MICU2: variants seen among roughly 807,000 people sequenced by gnomAD.
MICU2 encodes the protein mitochondrial calcium uptake 2.
Under a neutral mutation model 60.4 loss-of-function variants are expected in MICU2, and 64 were observed. The observed-to-expected ratio is 1.06, with a 90% CI of 0.87 to 1.31. MICU2 has a LOEUF of 1.31. Among genes scored for constraint, MICU2 ranks in the 50% most tolerant of loss-of-function variants. The pLI, the probability that MICU2 is intolerant of heterozygous loss-of-function variation, is 0.00. For missense variants in MICU2, 569 were observed against 531.0 expected, an observed-to-expected ratio of 1.07 and a Z score of -0.70; for synonymous variants, 201 against 175.0, an observed-to-expected ratio of 1.15 and a Z score of -1.17.
chr13:21,577,736 CAG>C (rs1192870410), intron 1 of MICU2, among the ~76,000 whole-genome samples: 1 of 142,306 alleles, frequency 7.0e-6, no homozygotes, highest in African/African-American at 2.7e-5. Flanking sequence ...ACCCGGGAGA[CAG>C]AGGTTGCAGT....
At chr13:21,539,726 C>A (rs373449163) in intron 2 of MICU2, 38 bp from the exon 3 acceptor site, 1 of 1,592,022 alleles carries the variant, frequency 6.3e-7, no homozygotes, top group African/African-American at 1.3e-5. Context: ...TATCCATATT[C>A]TTTGGTAAAA....
intron 8 of MICU2, among the ~76,000 whole-genome samples, chr13:21,508,427 G>A (rs977695770): frequency 2.0e-5 from 3 of 152,126 alleles, no homozygotes; most frequent in African/African-American, 7.2e-5. Flanking sequence ...CCCGGCCCAA[G>A]GCTCTTATTT....
intron 2 of MICU2, among the ~76,000 whole-genome samples, chr13:21,545,497 G>A (rs1307740223): frequency 6.6e-6 from 1 of 152,046 alleles, no homozygotes; most frequent in South Asian, 2.1e-4. Flanking sequence ...CCTGACCAGC[G>A]TGGTGAAACT....
At chr13:21,572,842 T>C (rs543941248) in intron 1 of MICU2, among the ~76,000 whole-genome samples, 23 of 152,182 alleles carry the variant, frequency 1.5e-4, no homozygotes, top group Admixed American at 5.2e-4. Flanking sequence ...CCCAGGTCTA[T>C]ACATGGTGAT....
intron 7 of MICU2, among the ~76,000 whole-genome samples, chr13:21,513,312 C>T (rs1886478969): frequency 6.6e-6 from 1 of 152,154 alleles, no homozygotes; most frequent in South Asian, 2.1e-4. Context: ...ACATCCTTGC[C>T]TTACTCCTGA....
chr13:21,550,200 A>G (rs1887520739), intron 2 of MICU2, among the ~76,000 whole-genome samples: 1 of 152,158 alleles, frequency 6.6e-6, no homozygotes, highest in African/African-American at 2.4e-5. Flanking sequence ...ACACAAATTT[A>G]TTAACTTTTG....
Position 21,568,116 on chromosome 13 carries a change from C to A in MICU2, c.211-1172G>T, listed in dbSNP as rs562820279. ...TATCACCTTCTTTTCACACTGAATA[C>A]TGATTCTATAATACTCTCTGACACA... is the stretch of plus-strand genomic sequence containing the variant. On this transcript the variant is annotated intron_variant, in intron 1 of 11. Transcript: ENST00000382374. Among the ~76,000 whole-genome samples the A allele has an allele frequency of 1.1e-4, 16 of 152,292 alleles. No homozygotes were observed. The South Asian group carries it at 3.3e-3, about 32-fold the overall frequency.
At chr13:21,501,411 T>A (rs140696322) in intron 9 of MICU2, among the ~76,000 whole-genome samples, 3 of 152,046 alleles carry the variant, frequency 2.0e-5, no homozygotes, top group African/African-American at 4.8e-5. Flanking sequence ...TACAGGCACC[T>A]GCCACCATGC....
intron 2 of MICU2, 86 bp downstream of exon 2, chr13:21,566,711 G>A: frequency 1.8e-6 from 2 of 1,133,078 alleles, no homozygotes; most frequent in African/African-American, 3.2e-5. Context: ...TTAAAATGAA[G>A]AAAAGCTGTT....
rs184831064 is a variant in MICU2 at position 21,493,145 on chromosome 13, C to T, written c.*104G>A. 2 of 606,774 alleles carry T rather than the reference C, an allele frequency of 3.3e-6. No homozygotes were observed. The highest frequency in any genetic ancestry group is 3.8e-5 in the African/African-American group (2 of 52,194). 37.6% of individuals were successfully genotyped at this position (606,774 alleles called of 1,614,324 possible). On this transcript the variant is annotated 3_prime_UTR_variant, in exon 12 of 12. Transcript: ENST00000382374. ...AAGTACAAGACATGCTTATTTCACA[C>T]AGAATATCAATGAAGACTTAAGAAG...
At chr13:21,525,181 ATTTTT>A (rs71093324) in intron 4 of MICU2, among the ~76,000 whole-genome samples, 44 of 83,302 alleles carry the variant, frequency 5.3e-4, no homozygotes, top group African/African-American at 1.9e-3. Flanking sequence ...GTGTAATTCA[ATTTTT>A]TTTTTTTTTT....
At chr13:21,534,872 T>C (rs962797430) in intron 4 of MICU2, among the ~76,000 whole-genome samples, 1 of 152,200 alleles carries the variant, frequency 6.6e-6, no homozygotes, top group African/African-American at 2.4e-5. Context: ...GACTGTTTAT[T>C]GGTTTCACAG....
intron 1 of MICU2, among the ~76,000 whole-genome samples, chr13:21,588,037 C>G (rs752311756): frequency 2.0e-5 from 3 of 152,064 alleles, no homozygotes; most frequent in Non-Finnish European, 2.9e-5. Context: ...AATACAGACC[C>G]CAGTGTCAAC....
At chr13:21,562,747 G>GT (rs1887877780) in intron 2 of MICU2, among the ~76,000 whole-genome samples, 1 of 152,000 alleles carries the variant, frequency 6.6e-6, no homozygotes, top group South Asian at 2.1e-4. Context: ...CCAATATTGT[G>GT]TTGCTATTAT....
intron 1 of MICU2, among the ~76,000 whole-genome samples, chr13:21,575,175 A>AT (rs1888194485): frequency 6.6e-6 from 1 of 152,098 alleles, no homozygotes; most frequent in Non-Finnish European, 1.5e-5. Context: ...ACAGACACAC[A>AT]TACACACATA....
At chr13:21,510,650 A>G (rs1003064732) in intron 7 of MICU2, among the ~76,000 whole-genome samples, 8 of 152,172 alleles carry the variant, frequency 5.3e-5, no homozygotes, top group African/African-American at 1.9e-4. Context: ...ATCAGCAACC[A>G]AACAACAAAA....
rs200872849 is a variant in MICU2 at position 21,539,387 on chromosome 13, C to T, written c.391-10G>A. On this transcript the variant is annotated splice_polypyrimidine_tract_variant and intron_variant, in intron 3 of 11. Transcript: ENST00000382374. The stretch of plus-strand genomic sequence containing the variant: ...GTGTATCCTCGATGTCCTTTGAATA[C>T]ACATATTAAAATTAAACTTCTAAAA... 1 of 1,608,502 alleles carries T rather than the reference C, an allele frequency of 6.2e-7. No individual in the cohort carries two copies.
At chr13:21,602,826 A>C (rs553791144) in intron 1 of MICU2, 1 of 152,364 alleles carries the variant, frequency 6.6e-6, no homozygotes, top group South Asian at 2.1e-4. Context: ...AATCTAAAAA[A>C]GAAAATAATA....
chr13:21,510,239 G>C (rs1005153044), intron 7 of MICU2, 138 bp from the exon 8 acceptor site: 3 of 408,860 alleles, frequency 7.3e-6, no homozygotes, highest in African/African-American at 6.3e-5. Context: ...TTGTAAAAGA[G>C]GGATAGAGCC....
Sources: allele counts gnomAD v4.1 joint callset (sites outside exome capture counted in the v4.1 genomes callset), GRCh38; gene constraint gnomAD v4.1.1; transcripts MANE v1.5; gene names NCBI Gene and HGNC (gene_info 2026-07-23, HGNC 2026-07-21).